Variants in AUTS2 observed in about 807,000 individuals in gnomAD.
AUTS2 encodes the protein autism susceptibility gene 2 protein.
In AUTS2, 17 loss-of-function variants were observed where a neutral mutation model predicts 112.4. The observed-to-expected ratio is 0.15, with a 90% CI of 0.10 to 0.23. The LOEUF is 0.23. AUTS2 is among the 10% of genes least tolerant of loss of function. The pLI, the probability that AUTS2 is intolerant of heterozygous loss-of-function variation, is 1.00. For synonymous variants in AUTS2, 751 were observed against 702.7 expected (o/e 1.07, Z -1.09); for missense variants, 1,510 against 1,701.6 (o/e 0.89, Z 1.98).
At chr7:70,379,126 G>A (rs1325126291) in intron 4 of AUTS2, among the ~76,000 whole-genome samples, 1 of 152,014 alleles carries the variant, frequency 6.6e-6, no homozygotes, top group Non-Finnish European at 1.5e-5. Flanking sequence ...GATAGGTACT[G>A]TGCCTTCAAC....
chr7:69,749,114 G>A (rs538949717), intron 1 of AUTS2, among the ~76,000 whole-genome samples: 78 of 152,166 alleles, frequency 5.1e-4, no homozygotes, highest in Non-Finnish European at 9.9e-4. Flanking sequence ...ATGAGATGAT[G>A]TAAGCAGTGC....
At chr7:70,426,128 A>G (rs1795427963) in intron 4 of AUTS2, among the ~76,000 whole-genome samples, 1 of 152,184 alleles carries the variant, frequency 6.6e-6, no homozygotes, top group Non-Finnish European at 1.5e-5. Context: ...CCATAGTTAT[A>G]TATGAAGGAT....
chr7:69,733,317 A>G (rs887625905), intron 1 of AUTS2, among the ~76,000 whole-genome samples: 4 of 152,198 alleles, frequency 2.6e-5, no homozygotes, highest in Non-Finnish European at 4.4e-5. Context: ...TATAGTCACT[A>G]TGTGATTAAC....
chr7:70,540,608 A>G (rs1800515554), intron 5 of AUTS2, among the ~76,000 whole-genome samples: 1 of 152,102 alleles, frequency 6.6e-6, no homozygotes, highest in Non-Finnish European at 1.5e-5. Context: ...GTGGCTCCCC[A>G]CTTGGGTTTC....
chr7:70,342,443 A>G (rs1047476912), intron 4 of AUTS2, among the ~76,000 whole-genome samples: 1 of 151,926 alleles, frequency 6.6e-6, no homozygotes, highest in Non-Finnish European at 1.5e-5. Context: ...CAGGCTACAG[A>G]GGGTGACAAT....
chr7:70,691,247 G>A (rs976429248), intron 5 of AUTS2, among the ~76,000 whole-genome samples: 4 of 152,060 alleles, frequency 2.6e-5, no homozygotes, highest in Admixed American at 1.3e-4. Flanking sequence ...AAGGGTTGCC[G>A]CTTTCTAAGA....
intron 3 of AUTS2, among the ~76,000 whole-genome samples, chr7:70,128,764 C>T (rs1474592926): frequency 2.0e-5 from 3 of 152,206 alleles, no homozygotes; most frequent in African/African-American, 7.2e-5. Flanking sequence ...AATCTATTAT[C>T]TCACAGTTCT....
intron 2 of AUTS2, among the ~76,000 whole-genome samples, chr7:69,972,685 G>A (rs187714395): frequency 6.2e-4 from 94 of 151,980 alleles, no homozygotes; most frequent in African/African-American, 2.1e-3. Flanking sequence ...GTGTGTGTGT[G>A]TGTGTGTGTG....
intron 4 of AUTS2, among the ~76,000 whole-genome samples, chr7:70,358,614 G>A (rs972977617): frequency 6.6e-6 from 1 of 152,208 alleles, no homozygotes; most frequent in Non-Finnish European, 1.5e-5. Flanking sequence ...TAGGCCATCT[G>A]GGAAGAGGAG....
intron 1 of AUTS2, among the ~76,000 whole-genome samples, chr7:69,617,509 C>T (rs553167069): frequency 3.0e-4 from 46 of 152,122 alleles, no homozygotes; most frequent in South Asian, 1.5e-3. Flanking sequence ...GAGATGTTGG[C>T]GGCTGGAACA....
intron 1 of AUTS2, among the ~76,000 whole-genome samples, chr7:69,890,835 G>A (rs1002075883): frequency 6.6e-6 from 1 of 152,226 alleles, no homozygotes; most frequent in African/African-American, 2.4e-5. Context: ...CCTAAAGCCA[G>A]TGCTCCCAGA....
At chr7:70,317,490 A>T (rs760320432) in intron 4 of AUTS2, among the ~76,000 whole-genome samples, 1 of 152,138 alleles carries the variant, frequency 6.6e-6, no homozygotes, top group African/African-American at 2.4e-5. Flanking sequence ...AGAAGAATTC[A>T]TTTTTCCTGG....
intron 6 of AUTS2, among the ~76,000 whole-genome samples, chr7:70,709,751 C>A (rs886746452): frequency 6.6e-6 from 1 of 152,212 alleles, no homozygotes; most frequent in African/African-American, 2.4e-5. Flanking sequence ...CTCTCAGAAC[C>A]TGACGCTTCT....
intron 5 of AUTS2, among the ~76,000 whole-genome samples, chr7:70,633,524 T>A (rs954787057): frequency 6.8e-6 from 1 of 146,966 alleles, no homozygotes; most frequent in African/African-American, 2.5e-5. Context: ...GGCAGGAGAA[T>A]CACTTGAACC....
intron 6 of AUTS2, among the ~76,000 whole-genome samples, chr7:70,731,486 G>A (rs1472437882): frequency 2.3e-5 from 3 of 131,578 alleles, no homozygotes; most frequent in Non-Finnish European, 4.6e-5. Flanking sequence ...CTGGAGTGCA[G>A]TGGTGCAATC....
chr7:70,717,092 C>A (rs1810422992), intron 6 of AUTS2, among the ~76,000 whole-genome samples: 1 of 151,052 alleles, frequency 6.6e-6, no homozygotes, highest in African/African-American at 2.4e-5. Flanking sequence ...GGTGCAGTGG[C>A]ACGGTCATAG....
chr7:70,439,333 T>C (rs1176399058), intron 5 of AUTS2, among the ~76,000 whole-genome samples: 1 of 151,114 alleles, frequency 6.6e-6, no homozygotes, highest in Non-Finnish European at 1.5e-5. Context: ...AGATCAGGAG[T>C]TGGAGACCAG....
Position 70,787,222 on chromosome 7 carries a change from G to A in AUTS2, c.2322G>A (p.Met774Ile), listed in dbSNP as rs537105723. The change falls in exon 18 of 19, where the codon ATG (methionine) becomes ATA (isoleucine). Residue 774 changes from methionine (M) to isoleucine (I), a missense_variant. Around this residue, in one of 3 missense-constraint regions of AUTS2, gnomAD observed 788 missense variants for 797.6 expected, o/e 0.99. Coordinates refer to ENST00000342771, the MANE Select transcript of AUTS2 (RefSeq NM_015570.4). ...LGNPSVTPNSMFGHKDGPSVQ... is the reference protein window; with the variant it reads ...LGNPSVTPNSIFGHKDGPSVQ... ...TCACCATTTCAGCACCCAACTCAAT[G>A]TTCGGCCACAAGGATGGCCCCAGTG... 6.2e-7 allele frequency: 1 copy of A among 1,614,166 alleles called. No individual in the cohort carries two copies. Among genetic ancestry groups the A allele is most frequent in the East Asian group, 2.2e-5 (1 of 44,864 alleles).
At chr7:70,113,337 G>A (rs985290120) in intron 2 of AUTS2, among the ~76,000 whole-genome samples, 4 of 151,954 alleles carry the variant, frequency 2.6e-5, no homozygotes, top group African/African-American at 9.7e-5. Context: ...TCTGAAATAC[G>A]CTTTAAAACT....
Sources: allele counts gnomAD v4.1 joint callset (sites outside exome capture counted in the v4.1 genomes callset), GRCh38; gene constraint gnomAD v4.1.1; regional missense constraint gnomAD v4.1.1; transcripts MANE v1.5; gene names NCBI Gene and HGNC (gene_info 2026-07-23, HGNC 2026-07-21).